The following NXPH1 variants were observed in gnomAD, a reference collection of about 807,000 sequenced individuals.
NXPH1 encodes neurexophilin-1.
NXPH1 carries 5 observed loss-of-function variants against 23.7 expected under a neutral mutation model. The observed-to-expected ratio is 0.21, with a 90% CI of 0.11 to 0.44. NXPH1 has a LOEUF of 0.44. NXPH1 is among the 20% of genes least tolerant of loss of function. The probability of loss-of-function intolerance (pLI) is 0.99; values close to 1 mark genes in which losing one functional copy is unlikely to be tolerated. For missense variants in NXPH1, 324 were observed against 321.6 expected (o/e 1.01, Z -0.06); for synonymous variants, 144 against 122.2 (o/e 1.18, Z -1.18).
At chr7:8,508,253 C>G (rs188927924) in intron 2 of NXPH1, among the ~76,000 whole-genome samples, 1 of 152,230 alleles carries the variant, frequency 6.6e-6, no homozygotes, top group East Asian at 1.9e-4. Context: ...TTCAACCCAA[C>G]AGACGGTCTA....
intron 2 of NXPH1, among the ~76,000 whole-genome samples, chr7:8,559,322 A>T (rs568298814): frequency 6.6e-6 from 1 of 151,770 alleles, no homozygotes; most frequent in East Asian, 2.0e-4. Flanking sequence ...GAAAAAGAAA[A>T]GTCCTTTCTT....
intron 2 of NXPH1, among the ~76,000 whole-genome samples, chr7:8,742,641 A>T (rs1296968309): frequency 6.7e-6 from 1 of 148,728 alleles, no homozygotes; most frequent in Non-Finnish European, 1.5e-5. Flanking sequence ...TGAAAAAGAA[A>T]ATACTTAGGA....
chr7:8,594,699 G>A (rs10280926), intron 2 of NXPH1, among the ~76,000 whole-genome samples: 43,702 of 151,694 alleles, frequency 0.29, 7,137 homozygotes, highest in African/African-American at 0.43. Flanking sequence ...GAGCCTTGGT[G>A]GCAAGTTATA....
chr7:8,528,037 C>A (rs970875575), intron 2 of NXPH1, among the ~76,000 whole-genome samples: 5 of 152,228 alleles, frequency 3.3e-5, no homozygotes, highest in African/African-American at 1.2e-4. Flanking sequence ...TGATAAAACT[C>A]ATACGGGTGG....
In NXPH1 at chr7:8,751,833, T is replaced by C; in HGVS notation, c.*64T>C. 2 of 1,454,578 alleles carry C rather than the reference T, an allele frequency of 1.4e-6. No individual in the cohort carries two copies. Among genetic ancestry groups the C allele is most frequent in the Non-Finnish European group, 1.8e-6 (2 of 1,090,536 alleles). The allele number at this position is 1,454,578 out of a possible 1,614,324, so 90.1% of individuals were successfully genotyped here. On this transcript the variant is annotated 3_prime_UTR_variant, in exon 3 of 3. Transcript: ENST00000405863. The surrounding 1 kb of genome is among the most constrained non-coding windows in gnomAD (Gnocchi z 4.5). Reference sequence around the variant, plus strand: ...AAGGTCATATGACAGGGCTGTTACCTCAAAGAAGAAGGTCACATCTGTTGC... The same window carrying C: ...AAGGTCATATGACAGGGCTGTTACCCCAAAGAAGAAGGTCACATCTGTTGC...
chr7:8,615,776 G>T (rs757826103), intron 2 of NXPH1, among the ~76,000 whole-genome samples: 16 of 152,046 alleles, frequency 1.1e-4, no homozygotes, highest in Non-Finnish European at 1.8e-4. Context: ...GAAGACAGAT[G>T]TTAATCAGGT....
intron 2 of NXPH1, among the ~76,000 whole-genome samples, chr7:8,689,353 C>T (rs900846027): frequency 4.0e-5 from 6 of 151,388 alleles, no homozygotes; most frequent in African/African-American, 7.3e-5. Context: ...TCAGTCAGCT[C>T]GCTGGCAGGA....
chr7:8,547,831 CT>C (rs1413557554), intron 2 of NXPH1, among the ~76,000 whole-genome samples: 16 of 151,416 alleles, frequency 1.1e-4, no homozygotes, highest in Admixed American at 6.6e-4. Context: ...GGACATAATT[CT>C]TTTTTCATGG....
chr7:8,660,512 T>C (rs12702759), intron 2 of NXPH1, among the ~76,000 whole-genome samples: 95,259 of 152,114 alleles, frequency 0.63, 30,964 homozygotes, highest in Middle Eastern at 0.76. Flanking sequence ...ATTTTAAAGA[T>C]TGCAATGCCA....
intron 2 of NXPH1, among the ~76,000 whole-genome samples, chr7:8,514,937 C>G (rs1024477): frequency 0.6 from 91,379 of 151,828 alleles, 27,734 homozygotes; most frequent in East Asian, 0.69. Context: ...ATTCATATGG[C>G]CCATATGTCT....
intron 2 of NXPH1, among the ~76,000 whole-genome samples, chr7:8,750,277 A>C (rs1167158508): frequency 2.6e-5 from 4 of 152,234 alleles, no homozygotes; most frequent in Non-Finnish European, 4.4e-5. Context: ...GAAATAGTCT[A>C]AAGGGTGTCA....
At chr7:8,745,440 G>A in intron 2 of NXPH1, among the ~76,000 whole-genome samples, 1 of 151,202 alleles carries the variant, frequency 6.6e-6, no homozygotes, top group East Asian at 1.9e-4. Context: ...ATACCTGGGG[G>A]GTGGGGGTGG....
intron 2 of NXPH1, among the ~76,000 whole-genome samples, chr7:8,589,083 G>C (rs534311633): frequency 2.6e-5 from 4 of 152,200 alleles, no homozygotes; most frequent in African/African-American, 9.6e-5. Context: ...AATAAAGTTT[G>C]CCTGCTTTCA....
chr7:8,466,695 T>A (rs1302053145), intron 2 of NXPH1, among the ~76,000 whole-genome samples: 1 of 152,174 alleles, frequency 6.6e-6, no homozygotes, highest in Non-Finnish European at 1.5e-5. Flanking sequence ...TACCTATTTT[T>A]AAAAAAGTAA....
intron 2 of NXPH1, among the ~76,000 whole-genome samples, chr7:8,595,773 T>C (rs1819209289): frequency 6.6e-6 from 1 of 151,928 alleles, no homozygotes; most frequent in Admixed American, 6.6e-5. Context: ...ATGGTTTTCT[T>C]TTGAATTTTT....
intron 2 of NXPH1, among the ~76,000 whole-genome samples, chr7:8,532,579 G>A (rs1817965604): frequency 6.6e-6 from 1 of 151,896 alleles, no homozygotes; most frequent in Admixed American, 6.6e-5. Context: ...GACAGAAAGC[G>A]ACTTTCCTAT....
intron 2 of NXPH1, among the ~76,000 whole-genome samples, chr7:8,587,150 A>T (rs1375457684): frequency 3.9e-5 from 6 of 152,184 alleles, no homozygotes; most frequent in Admixed American, 3.9e-4. Context: ...CTCAGGCACC[A>T]TGTTTCTCAT....
intron 2 of NXPH1, among the ~76,000 whole-genome samples, chr7:8,448,863 C>T (rs150571484): frequency 4.1e-5 from 6 of 147,532 alleles, no homozygotes; most frequent in Admixed American, 1.4e-4. Context: ...CAGCAACTAG[C>T]GAATTGTTTA....
chr7:8,752,692 C>T lies in NXPH1; in HGVS notation c.*923C>T, dbSNP rs898564542. Reference sequence around the variant, plus strand: ...TGGTTTGTATTGTACATAGTTTAACCAAGTGTTATTTGAGCTGCTTATTAA... The same window carrying T: ...TGGTTTGTATTGTACATAGTTTAACTAAGTGTTATTTGAGCTGCTTATTAA... On this transcript the variant is annotated 3_prime_UTR_variant, in exon 3 of 3. Coordinates refer to ENST00000405863, the MANE Select transcript of NXPH1 (RefSeq NM_152745.3). 2 of 152,394 alleles carry T rather than the reference C, an allele frequency of 1.3e-5. No individual in the cohort carries two copies. Among genetic ancestry groups the T allele is most frequent in the African/African-American group, 2.4e-5 (1 of 41,442 alleles). 9.4% of individuals were successfully genotyped at this position (152,394 alleles called of 1,614,324 possible).
Sources: allele counts gnomAD v4.1 joint callset (sites outside exome capture counted in the v4.1 genomes callset), GRCh38; gene constraint gnomAD v4.1.1; non-coding constraint Gnocchi (gnomAD v3.1); transcripts MANE v1.5; gene names NCBI Gene and HGNC (gene_info 2026-07-23, HGNC 2026-07-21).